DMBT1: variants seen among roughly 807,000 people sequenced by gnomAD.
DMBT1 encodes scavenger receptor cysteine-rich domain-containing protein DMBT1.
DMBT1 carries 198 observed loss-of-function variants against 252.9 expected under a neutral mutation model. The ratio of observed to expected loss-of-function variants is 0.78; its 90% CI spans 0.70 to 0.88. DMBT1 has a LOEUF of 0.88. DMBT1 is among the 40% of genes least tolerant of loss of function. The pLI, the probability that DMBT1 is intolerant of heterozygous loss-of-function variation, is 0.00. For missense variants in DMBT1, 2,432 were observed against 2,404.7 expected, an observed-to-expected ratio of 1.01 and a Z score of -0.24; for synonymous variants, 990 against 942.7, an observed-to-expected ratio of 1.05 and a Z score of -0.92.
intron 54 of DMBT1, 116 bp downstream of exon 54, chr10:122,637,428 A>T: frequency 8.5e-7 from 1 of 1,178,212 alleles, no homozygotes; most frequent in Non-Finnish European, 1.2e-6. Context: ...TAATCAGGAC[A>T]TAATTGGAAT....
intron 6 of DMBT1, among the ~76,000 whole-genome samples, chr10:122,576,002 G>A (rs2097708547): frequency 1.3e-5 from 2 of 152,146 alleles, no homozygotes; most frequent in African/African-American, 2.4e-5. Context: ...CAACCTTAGA[G>A]CTGCAGATAC....
intron 26 of DMBT1, 57 bp from the exon 27 acceptor site, chr10:122,600,007 A>G: frequency 6.3e-7 from 1 of 1,590,878 alleles, no homozygotes; most frequent in Non-Finnish European, 8.6e-7. Context: ...TCCTCGTTCC[A>G]CTTTGCCGAC....
intron 53 of DMBT1, 100 bp downstream of exon 53, chr10:122,636,299 C>T (rs1213114878): frequency 8.9e-7 from 1 of 1,119,748 alleles, no homozygotes; most frequent in South Asian, 1.5e-5. Context: ...ATGAAGGAAC[C>T]CTTTCAGGTC....
rs557584509 is a variant in DMBT1, at chr10:122,594,323, T to G, written c.2531-173T>G. On this transcript the variant is annotated intron_variant, in intron 21 of 55. Coordinates refer to ENST00000338354, the MANE Select transcript of DMBT1 (RefSeq NM_001377530.1). ...TCAGTCTGGTCTCCAGCAGGACCTT[T>G]GTCCCTGGATGAGTTCACAGCACAG... Among the ~76,000 whole-genome samples the G allele has an allele frequency of 2.3e-5, 3 of 129,674 alleles. No individual in the cohort carries two copies. The East Asian group carries it at 6.8e-4, about 29-fold the overall frequency. 85.1% of individuals were successfully genotyped at this position (129,674 alleles called of 152,430 possible). A position where few individuals can be genotyped will look rare whatever the true frequency, so the allele number is the denominator to read the frequency against.
Position 122,597,026 on chromosome 10 carries a change from T to A in DMBT1, c.2889T>A (p.Ala963=). Residue 963 remains alanine (A), a splice_region_variant and synonymous_variant, in exon 24 of 56, where the codon GCT becomes GCA. Coordinates refer to ENST00000338354, the MANE Select transcript of DMBT1 (RefSeq NM_001377530.1). ...GATCTGACCTCCTCTTTCTCACAGC[T>A]GCCCACTCCTGGTCGACGCCCAGTC... The part of the protein sequence containing the change: ...HSEDAGVICS[A]AHSWSTPSPD... The A allele has an allele frequency of 1.7e-6, 1 of 574,986 alleles. No homozygotes were observed. Among genetic ancestry groups the A allele is most frequent in the Non-Finnish European group, 2.8e-6 (1 of 356,062 alleles). The allele number at this position is 574,986 out of a possible 1,614,324, so 35.6% of individuals were successfully genotyped here.
rs1009089652 is a variant in DMBT1, at chr10:122,584,816, G to A, written c.1421-455G>A. 2.2e-4 allele frequency among the ~76,000 whole-genome samples: 33 copies of A among 149,260 alleles called. 2 individuals are homozygous for A. The highest frequency in any genetic ancestry group is 6.5e-4 in the African/African-American group (27 of 41,310). On this transcript the variant is annotated intron_variant, in intron 14 of 55. Transcript: ENST00000338354. ...CCTTCCAACACCCAGATTCTGCAGC[G>A]CTACATGTGCATCCAGAAGAGGCAT...
intron 17 of DMBT1, among the ~76,000 whole-genome samples, chr10:122,589,795 G>T (rs2097831061): frequency 6.7e-6 from 1 of 148,388 alleles, no homozygotes; most frequent in Non-Finnish European, 1.5e-5. Context: ...ACCAGTTCTT[G>T]CTAGAAACTA....
rs898509953 is a variant in DMBT1 at position 122,570,272 on chromosome 10, C to T, written c.139+63C>T. 17 of 1,325,894 alleles carry T rather than the reference C, an allele frequency of 1.3e-5. No homozygotes were observed. The Middle Eastern group carries it at 9.2e-4, about 72-fold the overall frequency. 82.1% of individuals were successfully genotyped at this position (1,325,894 alleles called of 1,614,324 possible). On this transcript the variant is annotated intron_variant, in intron 3 of 55. Coordinates refer to ENST00000338354, the MANE Select transcript of DMBT1 (RefSeq NM_001377530.1). The stretch of plus-strand genomic sequence containing the variant: ...CCCCACTGCACCCCTAGGTTCATCT[C>T]TGATCCAGAAGAGATGCAGAAGCCA...
chr10:122,634,362 TTCTTTCTTTC>T (rs2098194350), intron 52 of DMBT1, among the ~76,000 whole-genome samples: 1 of 103,206 alleles, frequency 9.7e-6, no homozygotes, highest in African/African-American at 4.1e-5. Flanking sequence ...CTTTCTTTCT[TTCTTTCTTTC>T]TTTCTTTCTT....
At chr10:122,618,705 T>A (rs1346574474) in intron 41 of DMBT1, among the ~76,000 whole-genome samples, 1 of 152,220 alleles carries the variant, frequency 6.6e-6, no homozygotes, top group African/African-American at 2.4e-5. Flanking sequence ...GGAGGGATCC[T>A]CTCACTACAA....
At chr10:122,635,130 A>G (rs1395500717) in intron 52 of DMBT1, among the ~76,000 whole-genome samples, 1 of 152,256 alleles carries the variant, frequency 6.6e-6, no homozygotes, top group East Asian at 1.9e-4. Context: ...AGCAATGACC[A>G]TCACCATTTG....
At chr10:122,580,026 G>T in intron 10 of DMBT1, 125 bp downstream of exon 10, 1 of 1,515,080 alleles carries the variant, frequency 6.6e-7, no homozygotes, top group Non-Finnish European at 8.9e-7. Context: ...AGACTTGTCA[G>T]CTCTCTGCTA....
chr10:122,570,779 G>A, intron 3 of DMBT1, 111 bp from the exon 4 acceptor site: 2 of 1,315,068 alleles, frequency 1.5e-6, no homozygotes, highest in East Asian at 4.6e-5. Flanking sequence ...AATGGAGGTT[G>A]CCCTTAGGAT....
chr10:122,579,946 G>T (rs776938516), intron 10 of DMBT1, 45 bp downstream of exon 10: 2 of 1,612,752 alleles, frequency 1.2e-6, no homozygotes, highest in Non-Finnish European at 1.7e-6. Flanking sequence ...GGTGGAGTTT[G>T]CTCCAAAAGA....
intron 1 of DMBT1, among the ~76,000 whole-genome samples, chr10:122,562,512 G>A (rs2097557196): frequency 6.6e-6 from 1 of 152,210 alleles, no homozygotes; most frequent in South Asian, 2.1e-4. Context: ...TCCATCAGAA[G>A]CATCTGAAAC....
intron 54 of DMBT1, among the ~76,000 whole-genome samples, chr10:122,638,248 G>T (rs1843834760): frequency 6.6e-6 from 1 of 152,136 alleles, no homozygotes; most frequent in African/African-American, 2.4e-5. Flanking sequence ...CAAGTGAGCA[G>T]CCTGGAGACT....
chr10:122,636,811 A>G (rs2098230550), intron 53 of DMBT1, among the ~76,000 whole-genome samples: 1 of 152,224 alleles, frequency 6.6e-6, no homozygotes, highest in Non-Finnish European at 1.5e-5. Flanking sequence ...CCACAATTTG[A>G]TCATACAGTT....
intron 2 of DMBT1, among the ~76,000 whole-genome samples, chr10:122,568,953 A>G (rs531392210): frequency 7.9e-5 from 12 of 152,318 alleles, no homozygotes; most frequent in African/African-American, 2.9e-4. Flanking sequence ...CTCTGAGTCA[A>G]TATTACCACA....
At position 122,629,771 on chromosome 10, in the gene DMBT1, C is replaced by T. The variant is rs75023015; in HGVS notation, c.5669-69C>T. 8.8e-3 allele frequency: 13,626 copies of T among 1,551,814 alleles called. 671 individuals are homozygous for T. The East Asian group carries it at 0.12, about 13-fold the overall frequency. On this transcript the variant is annotated intron_variant, in intron 46 of 55. Coordinates refer to ENST00000338354, the MANE Select transcript of DMBT1 (RefSeq NM_001377530.1). ...AAGATGAAACTGGATGATACTTACA[C>T]AGATGATTCCTTGTCACAAAATACC...
Sources: gnomAD v4.1 joint callset for allele counts (sites outside exome capture counted in the v4.1 genomes callset) on GRCh38, gnomAD v4.1.1 for gene constraint, MANE v1.5 for transcripts, NCBI Gene and HGNC (gene_info 2026-07-23, HGNC 2026-07-21) for gene names.